PIK3R4: variants seen among roughly 807,000 people sequenced by gnomAD.
PIK3R4 encodes phosphoinositide 3-kinase regulatory subunit 4.
PIK3R4 carries 46 observed loss-of-function variants against 136.5 expected under a neutral mutation model. The ratio of observed to expected loss-of-function variants is 0.34; its 90% CI spans 0.27 to 0.43. PIK3R4 has a LOEUF of 0.43. PIK3R4 is among the 20% of genes least tolerant of loss of function. PIK3R4 has a pLI of 1.00. For missense variants in PIK3R4, 1,331 were observed against 1,649.5 expected, an observed-to-expected ratio of 0.81 and a Z score of 3.35; for synonymous variants, 557 against 566.7, an observed-to-expected ratio of 0.98 and a Z score of 0.24.
At chr3:130,693,690 TATATG>T (rs1372881254) in intron 13 of PIK3R4, among the ~76,000 whole-genome samples, 52 of 152,340 alleles carry the variant, frequency 3.4e-4, no homozygotes, top group African/African-American at 1.1e-3. Flanking sequence ...CTTTATCAGA[TATATG>T]ATATATGTTA....
In PIK3R4 at chr3:130,730,429, C is replaced by T. The variant is rs1279564140; in HGVS notation, c.1464G>A (p.Leu488=). The T allele has an allele frequency of 6.3e-7, 1 of 1,581,574 alleles. No individual in the cohort carries two copies. Among genetic ancestry groups the T allele is most frequent in the Admixed American group, 1.9e-5 (1 of 52,316 alleles). ...GGAATCTCAGAGCTGTTTCTGCCAG[C>T]AGAGCTATGTTTTCTATAAAATAAA... ...VRLAYAENIA[L]LAETALRFLE... The change falls in exon 5 of 20, where the codon CTG becomes CTA. Residue 488 remains leucine (L), a synonymous_variant. Coordinates refer to ENST00000356763, the MANE Select transcript of PIK3R4 (RefSeq NM_014602.3).
At chr3:130,740,844 G>C (rs184527912) in intron 2 of PIK3R4, among the ~76,000 whole-genome samples, 1 of 152,282 alleles carries the variant, frequency 6.6e-6, no homozygotes, top group Admixed American at 6.5e-5. Flanking sequence ...GCGTGAGGAA[G>C]AAGAAAACGA....
At chr3:130,726,468 A>G (rs1254084059) in intron 6 of PIK3R4, among the ~76,000 whole-genome samples, 1 of 152,106 alleles carries the variant, frequency 6.6e-6, no homozygotes. Flanking sequence ...AAATTAAATG[A>G]TTTTCCAAGA....
At position 130,735,035 on chromosome 3, in the gene PIK3R4, A is replaced by C. The variant is rs575778354; in HGVS notation, c.867+834T>G. Among the ~76,000 whole-genome samples the C allele has an allele frequency of 3.3e-5, 5 of 152,350 alleles. No individual in the cohort carries two copies. In the East Asian group the frequency reaches 9.6e-4, roughly 29 times the overall value. ...AGAAAATGTATGCCCAAAGACATGA[A>C]GTTATATAACCAAAGCAACGTAACA... On this transcript the variant is annotated intron_variant, in intron 3 of 19. Coordinates refer to ENST00000356763, the MANE Select transcript of PIK3R4 (RefSeq NM_014602.3).
chr3:130,745,741 T>A (rs1050231731), intron 1 of PIK3R4, among the ~76,000 whole-genome samples: 1 of 152,132 alleles, frequency 6.6e-6, no homozygotes, highest in African/African-American at 2.4e-5. Context: ...AGCTTAAAAC[T>A]GGCCGGGCGC....
rs1363073573 is a variant in PIK3R4, at chr3:130,716,586, A to G, written c.2141T>C (p.Leu714Pro). Residue 714 changes from leucine to proline, a missense_variant, in exon 9 of 20, where the codon CTT becomes CCT. By Grantham distance (98) the Leu-to-Pro change is moderately conservative. Coordinates refer to ENST00000356763, the MANE Select transcript of PIK3R4 (RefSeq NM_014602.3). Reference protein sequence around the residue: ...TQPIIQIERKLVLLSVLKEPV... With the variant: ...TQPIIQIERKPVLLSVLKEPV... ...TTCCTTTAAAACACTGAGCAGAACAAGTTTTCTTTCAATCTATATTGGAAA... is the reference window on the plus strand; with the variant it reads ...TTCCTTTAAAACACTGAGCAGAACAGGTTTTCTTTCAATCTATATTGGAAA... 1 of 1,610,538 alleles carries G rather than the reference A, an allele frequency of 6.2e-7. No individual in the cohort carries two copies. Among genetic ancestry groups the G allele is most frequent in the Non-Finnish European group, 8.5e-7 (1 of 1,178,050 alleles).
chr3:130,680,860 C>CAAAT, intron 18 of PIK3R4, 117 bp downstream of exon 18: 1 of 758,148 alleles, frequency 1.3e-6, no homozygotes, highest in Non-Finnish European at 2.2e-6. Context: ...CCATTGGTTA[C>CAAAT]AAATAAAGTA....
chr3:130,707,473 T>C (rs2066611850), intron 10 of PIK3R4, among the ~76,000 whole-genome samples: 1 of 152,218 alleles, frequency 6.6e-6, no homozygotes, highest in African/African-American at 2.4e-5. Context: ...TTAAACTATT[T>C]ACCTTTTCAT....
At chr3:130,701,810 C>G (rs568955463) in intron 13 of PIK3R4, among the ~76,000 whole-genome samples, 2 of 151,978 alleles carry the variant, frequency 1.3e-5, no homozygotes, top group East Asian at 3.9e-4. Flanking sequence ...AGGGCACATA[C>G]TGATGTCTGT....
At chr3:130,687,096 C>A (rs745705586) in intron 14 of PIK3R4, among the ~76,000 whole-genome samples, 4 of 143,558 alleles carry the variant, frequency 2.8e-5, no homozygotes, top group African/African-American at 7.8e-5. Flanking sequence ...TAGCATGAAA[C>A]ATTTGCATAT....
intron 7 of PIK3R4, among the ~76,000 whole-genome samples, chr3:130,720,940 G>T (rs1224122367): frequency 6.6e-6 from 1 of 152,108 alleles, no homozygotes; most frequent in Non-Finnish European, 1.5e-5. Context: ...GAGAGGATGA[G>T]GCCAGAAGAT....
At chr3:130,734,172 T>C (rs1035468767) in intron 3 of PIK3R4, 42 bp from the exon 4 acceptor site, 12 of 1,491,360 alleles carry the variant, frequency 8.0e-6, no homozygotes, top group East Asian at 2.3e-5. Flanking sequence ...GATTTGAGAA[T>C]AGAAAAGTAA....
At chr3:130,714,549 G>A (rs1020177311) in intron 9 of PIK3R4, among the ~76,000 whole-genome samples, 8 of 152,254 alleles carry the variant, frequency 5.3e-5, no homozygotes, top group South Asian at 2.1e-4. Context: ...ATGGATATAC[G>A]TGTGCTATGG....
At chr3:130,704,915 C>T (rs2066598388) in intron 12 of PIK3R4, among the ~76,000 whole-genome samples, 1 of 152,168 alleles carries the variant, frequency 6.6e-6, no homozygotes, top group Non-Finnish European at 1.5e-5. Flanking sequence ...ACTGCAACCT[C>T]TACCTCCCAG....
chr3:130,690,678 C>A (rs2066512313), intron 13 of PIK3R4, 24 bp from the exon 14 acceptor site: 1 of 1,477,902 alleles, frequency 6.8e-7, no homozygotes, highest in Non-Finnish European at 9.3e-7. Context: ...AAATAAAATT[C>A]ATTTATGAAC....
At position 130,690,625 on chromosome 3, in the gene PIK3R4, C is replaced by A. The variant is rs56160735; in HGVS notation, c.3128G>T (p.Gly1043Val). Reference protein sequence around the residue: ...RSILTYSRIGGRVKTLTFCQG... With the variant: ...RSILTYSRIGVRVKTLTFCQG... ...GCAGAATGTGAGCGTCTTGACTCGTCCTCCAATTCGGCTGTATGTAAGAAT... is the reference window on the plus strand; with the variant it reads ...GCAGAATGTGAGCGTCTTGACTCGTACTCCAATTCGGCTGTATGTAAGAAT... Residue 1043 changes from glycine (G) to valine (V), a missense_variant, in exon 14 of 20, where the codon GGA becomes GTA. Coordinates refer to ENST00000356763, the MANE Select transcript of PIK3R4 (RefSeq NM_014602.3). 37 of 1,610,136 alleles carry A rather than the reference C, an allele frequency of 2.3e-5. No homozygotes were observed. The highest frequency in any genetic ancestry group is 2.7e-5 in the Non-Finnish European group (32 of 1,177,244).
At chr3:130,727,675 A>C (rs747245876) in intron 6 of PIK3R4, among the ~76,000 whole-genome samples, 1 of 152,234 alleles carries the variant, frequency 6.6e-6, no homozygotes, top group African/African-American at 2.4e-5. Flanking sequence ...GGATAATCAT[A>C]ATAATATGAA....
intron 14 of PIK3R4, among the ~76,000 whole-genome samples, 161 bp downstream of exon 14, chr3:130,690,329 T>A (rs1483242431): frequency 6.6e-6 from 1 of 151,334 alleles, no homozygotes; most frequent in Non-Finnish European, 1.5e-5. Flanking sequence ...AGCACATTTT[T>A]AAAATTTTAT....
intron 2 of PIK3R4, among the ~76,000 whole-genome samples, chr3:130,740,429 T>C (rs996156149): frequency 9.9e-5 from 15 of 152,124 alleles, no homozygotes; most frequent in African/African-American, 2.7e-4. Context: ...TGTAACAGAC[T>C]ATACCTCATC....
Sources: allele counts gnomAD v4.1 joint callset (sites outside exome capture counted in the v4.1 genomes callset), GRCh38; gene constraint gnomAD v4.1.1; transcripts MANE v1.5; gene names NCBI Gene and HGNC (gene_info 2026-07-23, HGNC 2026-07-21).